Variants in FOXJ2 observed in about 807,000 individuals in gnomAD.
FOXJ2 encodes forkhead box J2.
In FOXJ2, 18 loss-of-function variants were observed where a neutral mutation model predicts 68.4. The ratio of observed to expected loss-of-function variants is 0.26; its 90% CI spans 0.18 to 0.39. FOXJ2 has a LOEUF of 0.39. Ranked by LOEUF, FOXJ2 falls within the 10% of genes least tolerant of loss-of-function variation. The probability of loss-of-function intolerance (pLI) is 1.00; values close to 1 mark genes in which losing one functional copy is unlikely to be tolerated. For synonymous variants in FOXJ2, 274 were observed against 263.2 expected (o/e 1.04, Z -0.40); for missense variants, 670 against 726.5 (o/e 0.92, Z 0.89).
intron 2 of FOXJ2, among the ~76,000 whole-genome samples, chr12:8,042,095 C>T (rs1946974404): frequency 6.6e-6 from 1 of 152,128 alleles, no homozygotes; most frequent in Non-Finnish European, 1.5e-5. Context: ...CTAGGCTGGT[C>T]TCGAACTCCT....
rs1379328723 is a variant in FOXJ2 at position 8,048,272 on chromosome 12, T to C, written c.1208T>C (p.Ile403Thr). 6.4e-7 allele frequency: 1 copy of C among 1,573,792 alleles called. No individual in the cohort carries two copies. Among genetic ancestry groups the C allele is most frequent in the African/African-American group, 1.4e-5 (1 of 73,828 alleles). Residue 403 changes from isoleucine (I) to threonine (T), a missense_variant, in exon 7 of 11, where the codon ATC becomes ACC. This residue lies in a region of FOXJ2 where 555 missense variants were observed against 562.2 expected (regional missense o/e 0.99). Coordinates refer to ENST00000162391, the MANE Select transcript of FOXJ2 (RefSeq NM_018416.3). ...PQPQAQGQAPINNTGFAFPSD... is the reference protein window; with the variant it reads ...PQPQAQGQAPTNNTGFAFPSD... ...CCACAGGCACAAGGCCAGGCTCCCATCAACAACACTGGCTTTGGTGAGTAA... is the reference window on the plus strand; with the variant it reads ...CCACAGGCACAAGGCCAGGCTCCCACCAACAACACTGGCTTTGGTGAGTAA...
At chr12:8,043,807 C>T (rs776291218) in intron 4 of FOXJ2, 38 bp downstream of exon 4, 4 of 1,612,578 alleles carry the variant, frequency 2.5e-6, no homozygotes, top group African/African-American at 2.7e-5. Flanking sequence ...CATATCTGAG[C>T]CAGCTGCTCC....
At chr12:8,052,359 C>T (rs1947137427) in intron 10 of FOXJ2, among the ~76,000 whole-genome samples, 1 of 151,998 alleles carries the variant, frequency 6.6e-6, no homozygotes, top group Admixed American at 6.6e-5. Flanking sequence ...GCTGGGACTA[C>T]AGGCACATGT....
intron 1 of FOXJ2, among the ~76,000 whole-genome samples, chr12:8,034,549 T>C (rs1946872402): frequency 6.6e-6 from 1 of 152,148 alleles, no homozygotes; most frequent in Admixed American, 6.5e-5. Flanking sequence ...ATGCTGGCCC[T>C]GAACCACTGC....
At chr12:8,050,379 C>G (rs1162318490) in intron 9 of FOXJ2, 143 bp from the exon 10 acceptor site, 5 of 1,406,482 alleles carry the variant, frequency 3.6e-6, no homozygotes, top group East Asian at 2.7e-5. Context: ...CTGCAGAAAG[C>G]CTTCATGCCT....
intron 6 of FOXJ2, among the ~76,000 whole-genome samples, chr12:8,045,719 G>A (rs1049369303): frequency 3.3e-5 from 5 of 151,464 alleles, no homozygotes; most frequent in Admixed American, 2.0e-4. Flanking sequence ...GAGCAGTGTC[G>A]CGATCTCGGC....
At chr12:8,034,741 A>G (rs1410343497) in intron 1 of FOXJ2, among the ~76,000 whole-genome samples, 3 of 152,204 alleles carry the variant, frequency 2.0e-5, no homozygotes, top group Non-Finnish European at 4.4e-5. Context: ...AAAGTACCTA[A>G]TAGTCTCATC....
intron 1 of FOXJ2, among the ~76,000 whole-genome samples, chr12:8,036,302 T>A (rs1946894417): frequency 1.3e-5 from 2 of 152,218 alleles, no homozygotes; most frequent in African/African-American, 2.4e-5. Flanking sequence ...TCAGATAAAA[T>A]GGGAAGAAAA....
chr12:8,054,063 T>A lies in FOXJ2; in HGVS notation c.*1213T>A, dbSNP rs1947157937. 2 of 152,134 alleles carry A rather than the reference T, an allele frequency of 1.3e-5. No individual in the cohort carries two copies. The highest frequency in any genetic ancestry group is 4.8e-5 in the African/African-American group (2 of 41,424). 9.4% of individuals were successfully genotyped at this position (152,134 alleles called of 1,614,324 possible). On this transcript the variant is annotated 3_prime_UTR_variant, in exon 11 of 11. Transcript: ENST00000162391. ...CTGGCAAAGAAATGGATAGGGAATA[T>A]TTTAGTTCTTTAAATATATAGGCAG... is the stretch of plus-strand genomic sequence containing the variant.
At chr12:8,047,517 C>CT (rs768195025) in intron 6 of FOXJ2, among the ~76,000 whole-genome samples, 42 of 146,272 alleles carry the variant, frequency 2.9e-4, no homozygotes, top group South Asian at 4.3e-4. Context: ...TTCTGATTTA[C>CT]TTTTTTTTTT....
At chr12:8,050,181 G>T (rs1002179965) in intron 9 of FOXJ2, 2 of 299,004 alleles carry the variant, frequency 6.7e-6, no homozygotes, top group Non-Finnish European at 1.1e-5. Flanking sequence ...TCACCGTGTC[G>T]CCCAGGCTAT....
chr12:8,047,812 C>T (rs1212263067), intron 6 of FOXJ2, 70 bp from the exon 7 acceptor site: 2 of 1,516,164 alleles, frequency 1.3e-6, no homozygotes, highest in African/African-American at 2.8e-5. Context: ...CCCATCTCAA[C>T]CCAGGGAAAA....
rs1363641881 is a variant in FOXJ2 at position 8,040,286 on chromosome 12, A to C, written c.333+121A>C. 4 of 1,061,144 alleles carry C rather than the reference A, an allele frequency of 3.8e-6. No individual in the cohort carries two copies. Among genetic ancestry groups the C allele is most frequent in the Non-Finnish European group, 4.0e-6 (3 of 745,220 alleles). The allele number at this position is 1,061,144 out of a possible 1,614,324, so 65.7% of individuals were successfully genotyped here. A position where few individuals can be genotyped will look rare whatever the true frequency, so the allele number is the denominator to read the frequency against. On this transcript the variant is annotated intron_variant, in intron 2 of 10. Transcript: ENST00000162391. The surrounding 1 kb of genome is among the most constrained non-coding windows in gnomAD (Gnocchi z 4.0). ...TCTGGTTTGTCTCAGAGATGTGAAA[A>C]CTTAAAATCTCATATGTTCTGCCCT...
intron 10 of FOXJ2, among the ~76,000 whole-genome samples, chr12:8,051,618 G>A (rs1023970519): frequency 9.9e-5 from 15 of 152,250 alleles, no homozygotes; most frequent in Admixed American, 4.6e-4. Flanking sequence ...CCTGTCACCT[G>A]ATCTCTAGAA....
At chr12:8,036,357 T>C (rs1946895034) in intron 1 of FOXJ2, among the ~76,000 whole-genome samples, 2 of 152,212 alleles carry the variant, frequency 1.3e-5, no homozygotes, top group Admixed American at 1.3e-4. Flanking sequence ...CCAGGATCGG[T>C]CTTTCACTCC....
chr12:8,033,124 G>C lies in FOXJ2; in HGVS notation c.-724G>C. 2.7e-6 allele frequency: 1 copy of C among 369,486 alleles called. No individual in the cohort carries two copies. The highest frequency in any genetic ancestry group is 4.8e-6 in the Non-Finnish European group (1 of 208,030). The allele number at this position is 369,486 out of a possible 1,614,324, so 22.9% of individuals were successfully genotyped here. The stretch of plus-strand genomic sequence containing the variant: ...CTCTCTCCTGCCTAGAGGCGAGGAA[G>C]ACCCCTGTACTGGCCGGGGAGGAGA... On this transcript the variant is annotated 5_prime_UTR_variant, in exon 1 of 11. Coordinates refer to ENST00000162391, the MANE Select transcript of FOXJ2 (RefSeq NM_018416.3).
At position 8,044,028 on chromosome 12, in the gene FOXJ2, G is replaced by A; in HGVS notation, c.555G>A (p.Leu185=). The change falls in exon 5 of 11, where the codon CTG becomes CTA. Residue 185 remains leucine, a synonymous_variant. Coordinates refer to ENST00000162391, the MANE Select transcript of FOXJ2 (RefSeq NM_018416.3). ...GGVAGSGEAS[L]PPEGNPQMSL... ...TTGCAGGGAGTGGAGAAGCCTCACT[G>A]CCTCCTGAGGGGAATCCGCAGATGT... is the stretch of plus-strand genomic sequence containing the variant. 1 of 1,587,926 alleles carries A rather than the reference G, an allele frequency of 6.3e-7. No homozygotes were observed. Among genetic ancestry groups the A allele is most frequent in the Non-Finnish European group, 8.6e-7 (1 of 1,168,610 alleles).
Position 8,054,953 on chromosome 12 carries a change from T to C in FOXJ2, c.*2103T>C, listed in dbSNP as rs1947168888. The C allele has an allele frequency of 6.6e-6, 1 of 152,208 alleles. No individual in the cohort carries two copies. Among genetic ancestry groups the C allele is most frequent in the South Asian group, 2.1e-4 (1 of 4,836 alleles). 9.4% of individuals were successfully genotyped at this position (152,208 alleles called of 1,614,324 possible). A position where few individuals can be genotyped will look rare whatever the true frequency, so the allele number is the denominator to read the frequency against. On this transcript the variant is annotated 3_prime_UTR_variant, in exon 11 of 11. Coordinates refer to ENST00000162391, the MANE Select transcript of FOXJ2 (RefSeq NM_018416.3). ...GTAGGATCATACATGCAAATGCCCC[T>C]TGTTCATCTGTGTCTTCTGCAAACT...
intron 1 of FOXJ2, among the ~76,000 whole-genome samples, chr12:8,034,093 T>C (rs1946867861): frequency 1.3e-5 from 2 of 152,204 alleles, no homozygotes; most frequent in South Asian, 4.1e-4. Flanking sequence ...GATGTTTTCA[T>C]GCTGAGGAAA....
Sources: gnomAD v4.1 joint callset for allele counts (sites outside exome capture counted in the v4.1 genomes callset) on GRCh38, gnomAD v4.1.1 for gene constraint, gnomAD v4.1.1 regional missense constraint, Gnocchi (gnomAD v3.1) non-coding constraint, MANE v1.5 for transcripts, NCBI Gene and HGNC (gene_info 2026-07-23, HGNC 2026-07-21) for gene names.